Variants in PDE6B observed in about 807,000 individuals in gnomAD.
The protein encoded by PDE6B is phosphodiesterase 6B.
PDE6B carries 106 observed loss-of-function variants against 109.0 expected under a neutral mutation model. The ratio of observed to expected loss-of-function variants is 0.97; its 90% CI spans 0.83 to 1.14. The LOEUF is 1.14. PDE6B is among the 50% of genes most tolerant of loss of function. The probability of loss-of-function intolerance (pLI) is 0.00; values close to 1 mark genes in which losing one functional copy is unlikely to be tolerated. For synonymous variants in PDE6B, 490 were observed against 471.3 expected (o/e 1.04, Z -0.51); for missense variants, 1,193 against 1,155.6 (o/e 1.03, Z -0.47).
At chr4:645,531 G>A (rs1465496994) in intron 3 of PDE6B, among the ~76,000 whole-genome samples, 3 of 151,606 alleles carry the variant, frequency 2.0e-5, no homozygotes, top group African/African-American at 2.4e-5. Context: ...TCCTGACCTC[G>A]TGATCCGCCC....
In PDE6B at chr4:636,212, G is replaced by A. The variant is rs1004289303; in HGVS notation, c.711+243G>A. On this transcript the variant is annotated intron_variant, in intron 3 of 21. Transcript: ENST00000496514. The surrounding 1 kb of genome is among the most constrained non-coding windows in gnomAD (Gnocchi z 4.5). ...GAGTGGGTGTGAGGCACCTGCAGAGGGGGAAAGGGGCACCTTTCCTAGAGG... is the reference window on the plus strand; with the variant it reads ...GAGTGGGTGTGAGGCACCTGCAGAGAGGGAAAGGGGCACCTTTCCTAGAGG... Among the ~76,000 whole-genome samples the A allele has an allele frequency of 4.6e-5, 7 of 152,230 alleles. No individual in the cohort carries two copies. The highest frequency in any genetic ancestry group is 1.7e-4 in the African/African-American group (7 of 41,464).
At chr4:642,472 T>C (rs1423525410) in intron 3 of PDE6B, among the ~76,000 whole-genome samples, 1 of 148,788 alleles carries the variant, frequency 6.7e-6, no homozygotes, top group Non-Finnish European at 1.5e-5. Flanking sequence ...GTAAACTCCG[T>C]CTGAAAAAAA....
chr4:635,185 T>C (rs1294784824), intron 2 of PDE6B, among the ~76,000 whole-genome samples: 2 of 80,346 alleles, frequency 2.5e-5, no homozygotes, highest in African/African-American at 4.9e-5. Context: ...GTCCACCTCC[T>C]TACCTGCCTG....
In PDE6B at chr4:659,118, C is replaced by T. The variant is rs143432621; in HGVS notation, c.1467+101C>T. 3.5e-4 allele frequency: 300 copies of T among 847,688 alleles called. 4 individuals are homozygous for T. Among genetic ancestry groups the T allele is most frequent in the South Asian group, 1.8e-3 (134 of 72,874 alleles). The allele number at this position is 847,688 out of a possible 1,614,324, so 52.5% of individuals were successfully genotyped here. A position where few individuals can be genotyped will look rare whatever the true frequency, so the allele number is the denominator to read the frequency against. ...GGGACCCGACGGTGCTTTGCACACA[C>T]GGTCATCAGGGATGTTGGTGCTGTG... On this transcript the variant is annotated intron_variant, in intron 11 of 21. Coordinates refer to ENST00000496514, the MANE Select transcript of PDE6B (RefSeq NM_000283.4).
In PDE6B at chr4:665,299, G is replaced by A. The variant is rs1737670605; in HGVS notation, c.2238G>A (p.Leu746=). ...CTGAGTTCTGGGAGCAAGGTGACTT[G>A]GAAAGGACAGTCTTGGATCAGCAGC... is the stretch of plus-strand genomic sequence containing the variant. ...VAAEFWEQGD[L]ERTVLDQQPI... Residue 746 remains leucine, a synonymous_variant, in exon 19 of 22, where the codon TTG becomes TTA. Transcript: ENST00000496514. The surrounding 1 kb of genome is among the most constrained non-coding windows in gnomAD (Gnocchi z 4.0). 1 of 1,612,718 alleles carries A rather than the reference G, an allele frequency of 6.2e-7. No homozygotes were observed.
intron 3 of PDE6B, among the ~76,000 whole-genome samples, chr4:639,392 CCACAGTT>C (rs1734843840): frequency 6.6e-6 from 1 of 152,036 alleles, no homozygotes; most frequent in Non-Finnish European, 1.5e-5. Context: ...TTCTTGGGGT[CCACAGTT>C]CACAGGAGGC....
At chr4:627,601 G>A (rs1734176117) in intron 1 of PDE6B, among the ~76,000 whole-genome samples, 2 of 152,098 alleles carry the variant, frequency 1.3e-5, no homozygotes, top group Admixed American at 1.3e-4. Flanking sequence ...TTACCAGGAA[G>A]CCAGGAAACT....
chr4:657,476 C>A lies in PDE6B; in HGVS notation c.1383C>A (p.Asp461Glu), dbSNP rs1006827106. 1 of 1,613,212 alleles carries A rather than the reference C, an allele frequency of 6.2e-7. No homozygotes were observed. The highest frequency in any genetic ancestry group is 1.3e-5 in the African/African-American group (1 of 75,042). Residue 461 changes from aspartate to glutamate, a missense_variant, in exon 10 of 22, where the codon GAC becomes GAA. Physicochemically the swap from Asp to Glu is conservative, Grantham distance 45 (BLOSUM62 2). Transcript: ENST00000496514. ...MVLYHVKCDR[D>E]EIQLILPTRA... is the part of the protein sequence containing the mutation. The stretch of plus-strand genomic sequence containing the variant: ...TTTACCACGTGAAGTGCGACAGGGA[C>A]GAGATCCAGCTCATCCTGGTGCGGC...
intron 1 of PDE6B, among the ~76,000 whole-genome samples, chr4:630,270 G>A (rs1388934885): frequency 6.6e-6 from 1 of 152,182 alleles, no homozygotes; most frequent in East Asian, 1.9e-4. Context: ...GTCATCTCAG[G>A]AAGTGAAGGC....
At chr4:657,107 C>A in intron 9 of PDE6B, 84 bp downstream of exon 9, 1 of 1,413,746 alleles carries the variant, frequency 7.1e-7, no homozygotes, top group Non-Finnish European at 1.0e-6. Flanking sequence ...CCCCGCCAAG[C>A]ATTCGGCTGT....
At chr4:654,194 C>T (rs1324949012) in intron 5 of PDE6B, 40 bp downstream of exon 5, 5 of 1,544,266 alleles carry the variant, frequency 3.2e-6, no homozygotes, top group African/African-American at 1.4e-5. Flanking sequence ...GTCCACACGC[C>T]TCTGTTTCCC....
chr4:649,501 G>C (rs1735386074), intron 3 of PDE6B, among the ~76,000 whole-genome samples: 1 of 152,158 alleles, frequency 6.6e-6, no homozygotes, highest in Non-Finnish European at 1.5e-5. Context: ...GGGGCCACCT[G>C]CTGCTGCTTT....
At chr4:653,162 G>T in intron 3 of PDE6B, 1 of 992,414 alleles carries the variant, frequency 1.0e-6, no homozygotes, top group Non-Finnish European at 1.2e-6. Context: ...GGCAGGGAGA[G>T]AGCTGGGCTA....
chr4:646,713 G>A (rs748930862), intron 3 of PDE6B, among the ~76,000 whole-genome samples: 1 of 151,994 alleles, frequency 6.6e-6, no homozygotes, highest in South Asian at 2.1e-4. Flanking sequence ...CCGGGCGGCG[G>A]CGCACTGCGT....
chr4:666,459 C>CG lies in PDE6B; in HGVS notation c.2269-66dup. The CG allele has an allele frequency of 6.3e-6, 6 of 954,960 alleles. No individual in the cohort carries two copies. Among genetic ancestry groups the CG allele is most frequent in the East Asian group, 2.4e-5 (1 of 41,198 alleles). 59.2% of individuals were successfully genotyped at this position (954,960 alleles called of 1,614,324 possible). A position where few individuals can be genotyped will look rare whatever the true frequency, so the allele number is the denominator to read the frequency against. On this transcript the variant is annotated intron_variant, in intron 19 of 21. Transcript: ENST00000496514. This position sits in a 1 kb window ranked among gnomAD's most constrained non-coding sequence, Gnocchi z 5.6. ...CATGAGCACATCTGAGTGAGGGGGTCGGGGGGCTGGGCGGGGCCCCAGGAG... is the reference window on the plus strand; with the variant it reads ...CATGAGCACATCTGAGTGAGGGGGTCGGGGGGGCTGGGCGGGGCCCCAGGAG...
In PDE6B at chr4:625,841, T is replaced by C. The variant is rs757935409; in HGVS notation, c.215T>C (p.Met72Thr). Residue 72 changes from methionine to threonine, a missense_variant, in exon 1 of 22, where the codon ATG (methionine) becomes ACG (threonine). Met to Thr is a moderately conservative substitution (Grantham distance 81). Transcript: ENST00000496514. The surrounding 1 kb of genome is among the most constrained non-coding windows in gnomAD (Gnocchi z 5.0). ...CAGGATATGCAGGAGAGCATCAACA[T>C]GGAGCGCGTGGTCTTCAAGGTCCTG... ...LVQDMQESINMERVVFKVLRR... is the reference protein window; with the variant it reads ...LVQDMQESINTERVVFKVLRR... The C allele has an allele frequency of 1.9e-6, 3 of 1,612,734 alleles. No homozygotes were observed. The highest frequency in any genetic ancestry group is 2.5e-6 in the Non-Finnish European group (3 of 1,179,814).
intron 3 of PDE6B, among the ~76,000 whole-genome samples, chr4:647,903 T>C (rs1028781066): frequency 1.3e-5 from 2 of 151,648 alleles, no homozygotes; most frequent in Non-Finnish European, 2.9e-5. Flanking sequence ...TGAAACCCCA[T>C]CTCTAGTAAA....
Position 665,170 on chromosome 4 carries a change from C to G in PDE6B, c.2194-85C>G. 9.6e-7 allele frequency: 1 copy of G among 1,040,394 alleles called. No homozygotes were observed. The highest frequency in any genetic ancestry group is 1.5e-6 in the Non-Finnish European group (1 of 681,922). The allele number at this position is 1,040,394 out of a possible 1,614,324, so 64.4% of individuals were successfully genotyped here. On this transcript the variant is annotated intron_variant, in intron 18 of 21. Transcript: ENST00000496514. The surrounding 1 kb of genome is among the most constrained non-coding windows in gnomAD (Gnocchi z 4.0). ...CCCGGGGGTCTGGGGCGGAGAAGAC[C>G]GAGGCTCGGAGCCTCACGGGGCGGG... is the stretch of plus-strand genomic sequence containing the variant.
Position 654,093 on chromosome 4 carries a change from T to C in PDE6B, c.866T>C (p.Val289Ala), listed in dbSNP as rs756242997. The change falls in exon 5 of 22, where the codon GTG becomes GCG. Residue 289 changes from valine to alanine, a missense_variant. Coordinates refer to ENST00000496514, the MANE Select transcript of PDE6B (RefSeq NM_000283.4). ...DMTKEKEFFD[V>A]WSVLMGESQP... ...TTCTCTGCCCAGGAATTTTTTGACGTGTGGTCTGTGCTGATGGGAGAGTCC... is the reference window on the plus strand; with the variant it reads ...TTCTCTGCCCAGGAATTTTTTGACGCGTGGTCTGTGCTGATGGGAGAGTCC... The C allele has an allele frequency of 5.6e-6, 9 of 1,613,876 alleles. No homozygotes were observed. In the South Asian group the frequency reaches 9.9e-5, roughly 18 times the overall value.
Sources: gnomAD v4.1 joint callset for allele counts (sites outside exome capture counted in the v4.1 genomes callset) on GRCh38, gnomAD v4.1.1 for gene constraint, Gnocchi (gnomAD v3.1) non-coding constraint, MANE v1.5 for transcripts, NCBI Gene and HGNC (gene_info 2026-07-23, HGNC 2026-07-21) for gene names.